RAB11FIP4: variants seen among roughly 807,000 people sequenced by gnomAD.
The protein encoded by RAB11FIP4 is rab11 family-interacting protein 4.
A neutral mutation model predicts 74.3 loss-of-function variants in RAB11FIP4; 23 were observed. The ratio of observed to expected loss-of-function variants is 0.31; its 90% CI spans 0.22 to 0.44. RAB11FIP4 has a LOEUF of 0.44. Ranked by LOEUF, RAB11FIP4 falls within the 20% of genes least tolerant of loss-of-function variation. The pLI is 1.00. For synonymous variants in RAB11FIP4, 360 were observed against 359.9 expected (o/e 1.00, Z 0.00); for missense variants, 630 against 863.9 (o/e 0.73, Z 3.39).
intron 1 of RAB11FIP4, among the ~76,000 whole-genome samples, chr17:31,397,334 C>A (rs2070940365): frequency 6.6e-6 from 1 of 152,038 alleles, no homozygotes; most frequent in African/African-American, 2.4e-5. Flanking sequence ...GACTGTGGCA[C>A]ATGGTAAGAG....
intron 3 of RAB11FIP4, among the ~76,000 whole-genome samples, chr17:31,434,834 G>A (rs1022192094): frequency 4.6e-5 from 7 of 152,218 alleles, no homozygotes; most frequent in Non-Finnish European, 8.8e-5. Flanking sequence ...GCTTAGGGGC[G>A]CTGCCTCCCA....
chr17:31,431,724 C>G lies in RAB11FIP4; in HGVS notation c.160-89C>G. The G allele has an allele frequency of 2.7e-6, 2 of 728,954 alleles. 1 individual carries two copies. The highest frequency in any genetic ancestry group is 3.5e-5 in the African/African-American group (2 of 56,516). 45.2% of individuals were successfully genotyped at this position (728,954 alleles called of 1,614,324 possible). A position where few individuals can be genotyped will look rare whatever the true frequency, so the allele number is the denominator to read the frequency against. The stretch of plus-strand genomic sequence containing the variant: ...GGACTGGGCGGGGACACTGGTGTCC[C>G]TCCCTCCCTCCCAGCCTCCCCACCC... On this transcript the variant is annotated intron_variant, in intron 1 of 14. Transcript: ENST00000621161.
At chr17:31,407,706 G>T (rs1475330775) in intron 1 of RAB11FIP4, among the ~76,000 whole-genome samples, 1 of 152,126 alleles carries the variant, frequency 6.6e-6, no homozygotes, top group Non-Finnish European at 1.5e-5. Flanking sequence ...GTGGTGGTGT[G>T]TCCTCAGAGC....
intron 3 of RAB11FIP4, among the ~76,000 whole-genome samples, chr17:31,462,333 C>T (rs375180554): frequency 5.9e-5 from 9 of 151,828 alleles, no homozygotes; most frequent in African/African-American, 1.4e-4. Context: ...TGTAATTGGT[C>T]TGAAGTTTGG....
chr17:31,456,458 C>T (rs1432606729), intron 3 of RAB11FIP4, among the ~76,000 whole-genome samples: 2 of 152,228 alleles, frequency 1.3e-5, no homozygotes, highest in African/African-American at 4.8e-5. Context: ...CCGCCCCCCT[C>T]AGCCTCCCAA....
At chr17:31,427,721 G>C (rs1286332523) in intron 1 of RAB11FIP4, among the ~76,000 whole-genome samples, 1 of 152,218 alleles carries the variant, frequency 6.6e-6, no homozygotes, top group Non-Finnish European at 1.5e-5. Flanking sequence ...GGAGGGTAGA[G>C]GGTGCCCTGG....
chr17:31,475,989 CTT>C (rs1673407245), intron 3 of RAB11FIP4, among the ~76,000 whole-genome samples: 1 of 151,884 alleles, frequency 6.6e-6, no homozygotes, highest in Admixed American at 6.6e-5. Context: ...AATATAGTGT[CTT>C]TAAACAGAGA....
Position 31,423,154 on chromosome 17 carries a change from C to T in RAB11FIP4, c.160-8659C>T, listed in dbSNP as rs985277476. On this transcript the variant is annotated intron_variant, in intron 1 of 14. Coordinates refer to ENST00000621161, the MANE Select transcript of RAB11FIP4 (RefSeq NM_032932.6). ...CAGGATGGTCTCTATCTCCTGACCT[C>T]GTGATCCGCCCGCCTCTGCCTCCCA... Among the ~76,000 whole-genome samples, 230 of 152,176 alleles carry T rather than the reference C, an allele frequency of 1.5e-3. 1 individual carries two copies. Among genetic ancestry groups the T allele is most frequent in the African/African-American group, 5.2e-3 (214 of 41,536 alleles).
In RAB11FIP4 at chr17:31,463,019, T is replaced by C. The variant is rs149098539; in HGVS notation, c.336+28897T>C. On this transcript the variant is annotated intron_variant, in intron 3 of 14. Coordinates refer to ENST00000621161, the MANE Select transcript of RAB11FIP4 (RefSeq NM_032932.6). Reference sequence around the variant, plus strand: ...AACAAAAGCCTTGATTGGGTTCTGATCATGAGGCCGCCTCTGCACTTACTT... The same window carrying C: ...AACAAAAGCCTTGATTGGGTTCTGACCATGAGGCCGCCTCTGCACTTACTT... 2.0e-5 allele frequency among the ~76,000 whole-genome samples: 3 copies of C among 152,306 alleles called. No individual in the cohort carries two copies. The East Asian group carries it at 5.8e-4, about 29-fold the overall frequency.
intron 1 of RAB11FIP4, among the ~76,000 whole-genome samples, chr17:31,407,040 ATTTTTTTTTT>A (rs59919036): frequency 1.6e-4 from 8 of 51,210 alleles, no homozygotes; most frequent in African/African-American, 4.6e-4. Flanking sequence ...GTTTCACTTG[ATTTTTTTTTT>A]TTTTTTTTTT....
At chr17:31,483,550 G>A (rs1191915401) in intron 3 of RAB11FIP4, among the ~76,000 whole-genome samples, 2 of 152,348 alleles carry the variant, frequency 1.3e-5, no homozygotes, top group East Asian at 3.9e-4. Flanking sequence ...ACAGCAGACA[G>A]AAGTGGAGCT....
intron 1 of RAB11FIP4, among the ~76,000 whole-genome samples, chr17:31,419,523 G>C (rs1474207157): frequency 6.6e-6 from 1 of 151,150 alleles, no homozygotes; most frequent in Non-Finnish European, 1.5e-5. Context: ...CTGTGTTCAT[G>C]AGGGATATTG....
chr17:31,400,607 A>T (rs2070975680), intron 1 of RAB11FIP4, among the ~76,000 whole-genome samples: 1 of 152,238 alleles, frequency 6.6e-6, no homozygotes. Context: ...CACCCAGGTG[A>T]TGGGCGCTGG....
chr17:31,408,759 A>G (rs1444236740), intron 1 of RAB11FIP4, among the ~76,000 whole-genome samples: 1 of 152,218 alleles, frequency 6.6e-6, no homozygotes, highest in Non-Finnish European at 1.5e-5. Flanking sequence ...ATGTGCTGGA[A>G]CATTGGCCAC....
At chr17:31,497,149 A>G (rs1412801545) in intron 3 of RAB11FIP4, among the ~76,000 whole-genome samples, 3 of 152,152 alleles carry the variant, frequency 2.0e-5, no homozygotes, top group African/African-American at 7.2e-5. Flanking sequence ...GGATCACCTG[A>G]GGTCAAGAGT....
intron 10 of RAB11FIP4, 141 bp from the exon 11 acceptor site, chr17:31,527,701 C>A: frequency 3.3e-6 from 2 of 615,272 alleles, no homozygotes; most frequent in East Asian, 2.9e-5. Context: ...TTGTCTTTGA[C>A]ATAATAATCA....
intron 13 of RAB11FIP4, 47 bp downstream of exon 13, chr17:31,528,825 C>T: frequency 2.5e-6 from 4 of 1,570,382 alleles, no homozygotes; most frequent in Non-Finnish European, 3.5e-6. Context: ...TGGCCGGGCC[C>T]ACCACGTGGG....
Position 31,532,030 on chromosome 17 carries a change from AAAC to A in RAB11FIP4, c.*301_*303del, listed in dbSNP as rs1299601032. The A allele has an allele frequency of 3.3e-6, 1 of 304,150 alleles. No individual in the cohort carries two copies. Among genetic ancestry groups the A allele is most frequent in the Admixed American group, 4.6e-5 (1 of 21,740 alleles). 18.8% of individuals were successfully genotyped at this position (304,150 alleles called of 1,614,324 possible). On this transcript the variant is annotated 3_prime_UTR_variant, in exon 15 of 15. Coordinates refer to ENST00000621161, the MANE Select transcript of RAB11FIP4 (RefSeq NM_032932.6). ...GGTCTGCTATCAGGAGTTACTGTAA[AAAC>A]AAGAACTGGAAGCTCGTGTTTCCGG...
At chr17:31,418,340 A>T (rs986066846) in intron 1 of RAB11FIP4, among the ~76,000 whole-genome samples, 1 of 152,212 alleles carries the variant, frequency 6.6e-6, no homozygotes, top group African/African-American at 2.4e-5. Flanking sequence ...GTGAGCCGAG[A>T]TCGCACCATT....
Sources: gnomAD v4.1 joint callset for allele counts (sites outside exome capture counted in the v4.1 genomes callset) on GRCh38, gnomAD v4.1.1 for gene constraint, MANE v1.5 for transcripts, NCBI Gene and HGNC (gene_info 2026-07-23, HGNC 2026-07-21) for gene names.